Variants in PDZD2 observed in about 807,000 individuals in gnomAD.
PDZD2 encodes the protein PDZ domain containing 2, also known as PDZ domain-containing protein 2.
Under a neutral mutation model 220.7 loss-of-function variants are expected in PDZD2, and 90 were observed. That is an observed-to-expected ratio of 0.41 (90% CI 0.34 to 0.49). The LOEUF (loss-of-function observed/expected upper bound fraction) is 0.49, where lower values mean the gene tolerates loss of function less well. Ranked by LOEUF, PDZD2 falls within the 20% of genes least tolerant of loss-of-function variation. The pLI is 0.28. For synonymous variants in PDZD2, 1,375 were observed against 1,450.5 expected (o/e 0.95, Z 1.18); for missense variants, 3,174 against 3,608.5 (o/e 0.88, Z 3.08).
intron 1 of PDZD2, among the ~76,000 whole-genome samples, chr5:31,734,783 C>T (rs1749750688): frequency 6.6e-6 from 1 of 152,190 alleles, no homozygotes; most frequent in Non-Finnish European, 1.5e-5. Context: ...AAACCAGCCC[C>T]CATCCTACAG....
intron 2 of PDZD2, among the ~76,000 whole-genome samples, chr5:31,934,599 C>G (rs1745561202): frequency 9.7e-6 from 1 of 102,698 alleles, no homozygotes; most frequent in African/African-American, 3.8e-5. Context: ...ACATTTGAAC[C>G]ATCTAATTAA....
Position 32,090,517 on chromosome 5 carries a change from G to C in PDZD2, c.7069G>C (p.Ala2357Pro). ...NADRPVAKSG[A>P]SPFLSVSSKP... is the part of the protein sequence containing the mutation. Reference sequence around the variant, plus strand: ...TGACCGGCCTGTAGCCAAGTCCGGGGCTTCCCCATTTTTGTCGGTGAGCTC... The same window carrying C: ...TGACCGGCCTGTAGCCAAGTCCGGGCCTTCCCCATTTTTGTCGGTGAGCTC... The change falls in exon 20 of 25, where the codon GCT (alanine) becomes CCT (proline). Residue 2357 changes from alanine to proline, a missense_variant. Physicochemically the swap from Ala to Pro is conservative, Grantham distance 27. Around this residue, in one of 4 missense-constraint regions of PDZD2, gnomAD observed 631 missense variants for 789.9 expected, o/e 0.80. Coordinates refer to ENST00000438447, the MANE Select transcript of PDZD2 (RefSeq NM_178140.4). The surrounding 1 kb of genome is among the most constrained non-coding windows in gnomAD (Gnocchi z 4.3). The C allele has an allele frequency of 6.2e-7, 1 of 1,613,986 alleles. No individual in the cohort carries two copies.
In PDZD2 at chr5:31,851,036, T is replaced by C. The variant is rs569350606; in HGVS notation, c.476+51312T>C. The stretch of plus-strand genomic sequence containing the variant: ...ATCCTCTTTATAATAACCCTTCAAG[T>C]AGGAAAAGGCTGTTAAGTTTGCCTT... On this transcript the variant is annotated intron_variant, in intron 2 of 24. Transcript: ENST00000438447. Among the ~76,000 whole-genome samples the C allele has an allele frequency of 2.6e-5, 4 of 152,314 alleles. No homozygotes were observed. The South Asian group carries it at 8.3e-4, about 32-fold the overall frequency.
chr5:31,727,087 C>G (rs908466358), intron 1 of PDZD2, among the ~76,000 whole-genome samples: 1 of 152,140 alleles, frequency 6.6e-6, no homozygotes, highest in Non-Finnish European at 1.5e-5. Flanking sequence ...CTCACTATCA[C>G]GAAGACAGCA....
At chr5:31,647,360 C>T (rs758704445) in intron 1 of PDZD2, among the ~76,000 whole-genome samples, 11 of 152,160 alleles carry the variant, frequency 7.2e-5, no homozygotes, top group Non-Finnish European at 1.3e-4. Context: ...CTGGGGCTGC[C>T]GTCAGAAATT....
Position 31,989,924 on chromosome 5 carries a change from C to T in PDZD2, c.979-5652C>T, listed in dbSNP as rs560991332. Reference sequence around the variant, plus strand: ...AGATGGGACCCTGAAGTTCCTGCCTCAGTTCTGCCATCCCCAGCACTGTGG... The same window carrying T: ...AGATGGGACCCTGAAGTTCCTGCCTTAGTTCTGCCATCCCCAGCACTGTGG... On this transcript the variant is annotated intron_variant, in intron 3 of 24. Coordinates refer to ENST00000438447, the MANE Select transcript of PDZD2 (RefSeq NM_178140.4). 7.2e-4 allele frequency among the ~76,000 whole-genome samples: 109 copies of T among 152,288 alleles called. 1 individual carries two copies. The highest frequency in any genetic ancestry group is 3.4e-3 in the Middle Eastern group (1 of 294).
chr5:32,040,596 T>G (rs1440594010), intron 7 of PDZD2, among the ~76,000 whole-genome samples: 77 of 144,796 alleles, frequency 5.3e-4, no homozygotes, highest in Non-Finnish European at 1.1e-3. Context: ...CCACCCCATC[T>G]GGGAAATGGG....
rs770408888 is a variant in PDZD2, at chr5:32,089,821, CAGG to C, written c.6376_6378del (p.Glu2126del). 5 of 1,613,838 alleles carry C rather than the reference CAGG, an allele frequency of 3.1e-6. No individual in the cohort carries two copies. The African/African-American group carries it at 6.7e-5, about 22-fold the overall frequency. On this transcript the variant is annotated inframe_deletion, in exon 20 of 25. Transcript: ENST00000438447. ...AGGGTGCTTGGCCCAGGGCAACTGT[CAGG>C]AGAAGAGTGAAATCAGGCTCTATCG... is the stretch of plus-strand genomic sequence containing the variant.
intron 1 of PDZD2, chr5:31,738,594 T>C (rs1309684574): frequency 2.6e-5 from 4 of 152,224 alleles, no homozygotes; most frequent in African/African-American, 9.6e-5. Context: ...ATGATGGGGA[T>C]AGATTCATCC....
intron 2 of PDZD2, among the ~76,000 whole-genome samples, chr5:31,868,661 C>G (rs766256560): frequency 1.3e-5 from 2 of 152,116 alleles, no homozygotes; most frequent in Non-Finnish European, 2.9e-5. Context: ...GCCCCTTGTT[C>G]TGGGTTTGCT....
At position 32,089,136 on chromosome 5, in the gene PDZD2, C is replaced by T. The variant is rs761585509; in HGVS notation, c.5688C>T (p.Val1896=). ...KRLSLKGKAK[V]NSEAPAANAV... ...TCAGCCTCAAGGGCAAGGCCAAAGT[C>T]AACTCTGAGGCCCCTGCTGCGAATG... The change falls in exon 20 of 25, where the codon GTC becomes GTT. Residue 1896 remains valine (V), a synonymous_variant. Transcript: ENST00000438447. The T allele has an allele frequency of 5.0e-6, 8 of 1,614,114 alleles. No individual in the cohort carries two copies. The highest frequency in any genetic ancestry group is 1.7e-5 in the Admixed American group (1 of 60,032).
intron 6 of PDZD2, among the ~76,000 whole-genome samples, chr5:32,025,547 A>G (rs1471398067): frequency 6.8e-6 from 1 of 147,246 alleles, no homozygotes; most frequent in Non-Finnish European, 1.5e-5. Context: ...ACAAACAAAC[A>G]AACAAACAAA....
intron 2 of PDZD2, among the ~76,000 whole-genome samples, chr5:31,946,380 G>C (rs775608001): frequency 6.6e-6 from 1 of 152,170 alleles, no homozygotes; most frequent in Non-Finnish European, 1.5e-5. Flanking sequence ...AAAATCTATT[G>C]TGTGAACCTG....
At position 32,025,591 on chromosome 5, in the gene PDZD2, CTTTTTT is replaced by C. The variant is rs70957998; in HGVS notation, c.1408-11617_1408-11612del. On this transcript the variant is annotated intron_variant, in intron 6 of 24. Coordinates refer to ENST00000438447, the MANE Select transcript of PDZD2 (RefSeq NM_178140.4). ...AGTGAGCCCAAATGTAACCATGATG[CTTTTTT>C]TTTTTTTTTTTTTTTTTTTTTTGGA... 5.5e-3 allele frequency among the ~76,000 whole-genome samples: 368 copies of C among 67,468 alleles called. 2 individuals are homozygous for C. Among genetic ancestry groups the C allele is most frequent in the African/African-American group, 0.019 (282 of 15,198 alleles). 44.3% of individuals were successfully genotyped at this position (67,468 alleles called of 152,430 possible).
At position 31,799,282 on chromosome 5, in the gene PDZD2, C is replaced by T. The variant is rs1361805928; in HGVS notation, c.34C>T (p.Leu12=). ...PITQDNAVLH[L]PLLYQWLQNS... ...CACCCAGGACAATGCCGTGCTGCAC[C>T]TGCCCCTCCTCTACCAGTGGCTGCA... Residue 12 remains leucine (L), a synonymous_variant, in exon 2 of 25, where the codon CTG becomes TTG. Coordinates refer to ENST00000438447, the MANE Select transcript of PDZD2 (RefSeq NM_178140.4). 2 of 1,612,066 alleles carry T rather than the reference C, an allele frequency of 1.2e-6. No individual in the cohort carries two copies. Among genetic ancestry groups the T allele is most frequent in the Admixed American group, 3.3e-5 (2 of 59,996 alleles).
At chr5:31,812,344 C>A (rs915080791) in intron 2 of PDZD2, among the ~76,000 whole-genome samples, 1 of 152,202 alleles carries the variant, frequency 6.6e-6, no homozygotes, top group Non-Finnish European at 1.5e-5. Context: ...TGGATTGACA[C>A]TGGCTTCCTT....
Position 32,089,455 on chromosome 5 carries a change from A to G in PDZD2, c.6007A>G (p.Met2003Val), listed in dbSNP as rs2112474263. 2 of 1,613,888 alleles carry G rather than the reference A, an allele frequency of 1.2e-6. No homozygotes were observed. Among genetic ancestry groups the G allele is most frequent in the East Asian group, 2.2e-5 (1 of 44,864 alleles). The change falls in exon 20 of 25, where the codon ATG (methionine) becomes GTG (valine). Residue 2003 changes from methionine to valine, a missense_variant. Transcript: ENST00000438447. ...PEQGMWSRFHMAVLSEPDRGC... is the reference protein window; with the variant it reads ...PEQGMWSRFHVAVLSEPDRGC... ...GCAAGGCATGTGGAGCAGGTTCCACATGGCTGTCCTCTCTGAACCCGACAG... is the reference window on the plus strand; with the variant it reads ...GCAAGGCATGTGGAGCAGGTTCCACGTGGCTGTCCTCTCTGAACCCGACAG...
At chr5:31,883,507 C>T (rs1740137163) in intron 2 of PDZD2, among the ~76,000 whole-genome samples, 1 of 152,130 alleles carries the variant, frequency 6.6e-6, no homozygotes, top group East Asian at 1.9e-4. Flanking sequence ...AGGCATGAGC[C>T]ACCGTGTCTG....
chr5:31,643,322 C>T (rs1745017604), intron 1 of PDZD2, among the ~76,000 whole-genome samples: 1 of 152,188 alleles, frequency 6.6e-6, no homozygotes, highest in East Asian at 1.9e-4. Flanking sequence ...CTGTTTGCAC[C>T]TTGACAAATC....
Sources: gnomAD v4.1 joint callset for allele counts (sites outside exome capture counted in the v4.1 genomes callset) on GRCh38, gnomAD v4.1.1 for gene constraint, gnomAD v4.1.1 regional missense constraint, Gnocchi (gnomAD v3.1) non-coding constraint, MANE v1.5 for transcripts, NCBI Gene and HGNC (gene_info 2026-07-23, HGNC 2026-07-21) for gene names.